The following PDE1A variants were observed in gnomAD, a reference collection of about 807,000 sequenced individuals.
The protein encoded by PDE1A is dual specificity calcium/calmodulin-dependent 3',5'-cyclic nucleotide phosphodiesterase 1A.
Under a neutral mutation model 61.7 loss-of-function variants are expected in PDE1A, and 35 were observed. The observed-to-expected ratio is 0.57, with a 90% CI of 0.43 to 0.75. PDE1A has a LOEUF of 0.75. PDE1A is among the 30% of genes least tolerant of loss of function. The probability of loss-of-function intolerance (pLI) is 0.00; values close to 1 mark genes in which losing one functional copy is unlikely to be tolerated. For synonymous variants in PDE1A, 232 were observed against 213.2 expected, an observed-to-expected ratio of 1.09 and a Z score of -0.77; for missense variants, 597 against 630.6, an observed-to-expected ratio of 0.95 and a Z score of 0.57.
the PDE1A span, among the ~76,000 whole-genome samples, chr2:182,634,188 A>G: frequency 2.0e-5 from 3 of 152,160 alleles, no homozygotes; most frequent in Non-Finnish European, 4.4e-5. Context: ...ATCAAAAATA[A>G]AAAGTATTAT....
intron 5 of PDE1A, among the ~76,000 whole-genome samples, 199 bp downstream of exon 5, chr2:182,230,816 T>G (rs1689519257): frequency 6.6e-6 from 1 of 152,154 alleles, no homozygotes. Flanking sequence ...GGCCTCATGA[T>G]CTCTAGGTGG....
chr2:182,485,806 T>C (rs1334292836), intron 2 of PDE1A, among the ~76,000 whole-genome samples: 1 of 152,044 alleles, frequency 6.6e-6, no homozygotes. Context: ...ATTCATGATT[T>C]TAAAAAATTC....
At chr2:182,456,620 GAGA>G (rs1685939122) in intron 2 of PDE1A, among the ~76,000 whole-genome samples, 1 of 152,056 alleles carries the variant, frequency 6.6e-6, no homozygotes, top group Non-Finnish European at 1.5e-5. Flanking sequence ...TACACATGCA[GAGA>G]AGGAGGGCAG....
At chr2:182,655,485 A>C in the PDE1A span, among the ~76,000 whole-genome samples, 1 of 152,158 alleles carries the variant, frequency 6.6e-6, no homozygotes, top group African/African-American at 2.4e-5. Context: ...ACACCTGCAT[A>C]CCTAGTTCCT....
chr2:182,660,577 G>A, the PDE1A span, among the ~76,000 whole-genome samples: 1 of 152,188 alleles, frequency 6.6e-6, no homozygotes, highest in Non-Finnish European at 1.5e-5. Context: ...ACCTAATCAG[G>A]TGATCCCTTC....
intron 13 of PDE1A, among the ~76,000 whole-genome samples, chr2:182,174,753 T>G (rs1447463287): frequency 1.3e-5 from 2 of 151,776 alleles, no homozygotes; most frequent in Admixed American, 1.3e-4. Context: ...TTTTATTTTA[T>G]TTTTATTATA....
At chr2:182,366,653 G>A (rs1279286307) in intron 1 of PDE1A, among the ~76,000 whole-genome samples, 2 of 151,942 alleles carry the variant, frequency 1.3e-5, no homozygotes, top group Non-Finnish European at 2.9e-5. Flanking sequence ...TTAAGCATGA[G>A]AAGCCAGACT....
chr2:182,295,220 G>A (rs971992377), intron 1 of PDE1A, among the ~76,000 whole-genome samples: 3 of 151,266 alleles, frequency 2.0e-5, no homozygotes, highest in African/African-American at 4.9e-5. Flanking sequence ...GACTACAGGC[G>A]CCCACCACCG....
At chr2:182,387,824 A>C (rs1459440916) in intron 1 of PDE1A, among the ~76,000 whole-genome samples, 1 of 152,150 alleles carries the variant, frequency 6.6e-6, no homozygotes, top group Non-Finnish European at 1.5e-5. Context: ...AACAATAAAC[A>C]AAATGGCAGC....
intron 2 of PDE1A, among the ~76,000 whole-genome samples, chr2:182,474,572 G>A (rs1166628002): frequency 6.6e-6 from 1 of 151,842 alleles, no homozygotes; most frequent in Non-Finnish European, 1.5e-5. Flanking sequence ...TAATTTTTAA[G>A]GATTTGTGAG....
chr2:182,679,676 C>T, the PDE1A span, among the ~76,000 whole-genome samples: 3 of 152,044 alleles, frequency 2.0e-5, no homozygotes, highest in African/African-American at 7.2e-5. Context: ...GAAAAAAACA[C>T]AAATATAGAC....
chr2:182,646,475 G>A, the PDE1A span, among the ~76,000 whole-genome samples: 2 of 151,438 alleles, frequency 1.3e-5, no homozygotes, highest in African/African-American at 4.9e-5. Flanking sequence ...AGATCACAAG[G>A]TCAGGAGTTC....
rs1324423446 is a variant in PDE1A at position 182,215,057 on chromosome 2, C to T, written c.776+8807G>A. On this transcript the variant is annotated intron_variant, in intron 7 of 13. Coordinates refer to ENST00000351439, the Ensembl canonical transcript of PDE1A. ...AAATGTAAAAGAACAGAAATGATAA[C>T]AAACTATCTCTCAGACCACAGTGCA... Among the ~76,000 whole-genome samples, 9 of 88,252 alleles carry T rather than the reference C, an allele frequency of 1.0e-4. No individual in the cohort carries two copies. In the South Asian group the frequency reaches 1.7e-3, roughly 16 times the overall value. The allele number at this position is 88,252 out of a possible 152,430, so 57.9% of individuals were successfully genotyped here.
At chr2:182,268,963 G>A (rs1692824896) in intron 1 of PDE1A, among the ~76,000 whole-genome samples, 1 of 151,944 alleles carries the variant, frequency 6.6e-6, no homozygotes, top group Admixed American at 6.6e-5. Context: ...ATGCAAACAA[G>A]CAGAAAAATT....
intron 7 of PDE1A, among the ~76,000 whole-genome samples, chr2:182,222,361 G>A (rs1167572108): frequency 6.6e-6 from 1 of 151,946 alleles, no homozygotes; most frequent in Non-Finnish European, 1.5e-5. Flanking sequence ...AGACATTAAA[G>A]AGACCAGTGG....
chr2:182,460,306 G>A (rs557464563), intron 2 of PDE1A, among the ~76,000 whole-genome samples: 1 of 152,162 alleles, frequency 6.6e-6, no homozygotes, highest in East Asian at 1.9e-4. Flanking sequence ...CCTCAAGACA[G>A]GTCAAGCCTC....
chr2:182,380,267 C>A (rs143742106), intron 1 of PDE1A, among the ~76,000 whole-genome samples: 2 of 152,046 alleles, frequency 1.3e-5, no homozygotes, highest in African/African-American at 4.8e-5. Context: ...CCTGCCACCA[C>A]GCCAGGCTAC....
At chr2:182,152,045 A>G (rs79273403) in intron 13 of PDE1A, among the ~76,000 whole-genome samples, 3,555 of 152,322 alleles carry the variant, frequency 0.023, 132 homozygotes, top group African/African-American at 0.079. Flanking sequence ...TGGTGTTTGA[A>G]AAATACCACA....
intron 1 of PDE1A, among the ~76,000 whole-genome samples, chr2:182,408,911 G>C (rs1470445487): frequency 1.3e-5 from 2 of 152,190 alleles, no homozygotes; most frequent in African/African-American, 4.8e-5. Context: ...ACCTTGCAGA[G>C]AGAAAACTGA....
Sources: allele counts gnomAD v4.1 joint callset (sites outside exome capture counted in the v4.1 genomes callset), GRCh38; gene constraint gnomAD v4.1.1; transcripts MANE v1.5; gene names NCBI Gene and HGNC (gene_info 2026-07-23, HGNC 2026-07-21).